ARHGAP26: variants seen among roughly 807,000 people sequenced by gnomAD.
ARHGAP26 encodes the protein rho GTPase-activating protein 26.
Under a neutral mutation model 104.8 loss-of-function variants are expected in ARHGAP26, and 38 were observed. The ratio of observed to expected loss-of-function variants is 0.36; its 90% CI spans 0.28 to 0.48. The LOEUF is 0.48. Among genes scored for constraint, ARHGAP26 ranks in the 20% least tolerant of loss-of-function variants. ARHGAP26 has a pLI of 0.99. For missense variants in ARHGAP26, 704 were observed against 947.9 expected, an observed-to-expected ratio of 0.74 and a Z score of 3.38; for synonymous variants, 341 against 340.0, an observed-to-expected ratio of 1.00 and a Z score of -0.03.
At chr5:142,926,443 A>G (rs575975767) in intron 10 of ARHGAP26, among the ~76,000 whole-genome samples, 1 of 152,324 alleles carries the variant, frequency 6.6e-6, no homozygotes, top group Admixed American at 6.5e-5. Context: ...CTTAGGGTTG[A>G]GCTCTACAGA....
chr5:142,902,115 C>A, intron 7 of ARHGAP26, 76 bp downstream of exon 7: 1 of 1,316,720 alleles, frequency 7.6e-7, no homozygotes, highest in South Asian at 1.3e-5. Flanking sequence ...CCCTAGAAAC[C>A]ATCCAGGTGG....
At chr5:143,046,363 A>AT (rs926258185) in intron 14 of ARHGAP26, among the ~76,000 whole-genome samples, 1 of 152,158 alleles carries the variant, frequency 6.6e-6, no homozygotes, top group Admixed American at 6.5e-5. Context: ...CTTCGAGTTT[A>AT]TTTTTTTGTA....
intron 1 of ARHGAP26, among the ~76,000 whole-genome samples, chr5:142,782,102 G>A (rs969696712): frequency 6.6e-6 from 1 of 152,226 alleles, no homozygotes; most frequent in African/African-American, 2.4e-5. Context: ...AGGGATGACA[G>A]AGGAGTTAGG....
At chr5:142,902,236 A>G (rs1387319395) in intron 7 of ARHGAP26, among the ~76,000 whole-genome samples, 197 bp downstream of exon 7, 1 of 151,946 alleles carries the variant, frequency 6.6e-6, no homozygotes, top group Non-Finnish European at 1.5e-5. Context: ...CCTCTTCTCC[A>G]TTATTTCAAA....
At chr5:143,183,557 T>C (rs1335647197) in intron 20 of ARHGAP26, among the ~76,000 whole-genome samples, 1 of 152,194 alleles carries the variant, frequency 6.6e-6, no homozygotes, top group Non-Finnish European at 1.5e-5. Context: ...CAGTCCATCC[T>C]GTGCCGGGGA....
At chr5:142,931,451 C>T (rs574050516) in intron 10 of ARHGAP26, among the ~76,000 whole-genome samples, 1 of 152,294 alleles carries the variant, frequency 6.6e-6, no homozygotes, top group African/African-American at 2.4e-5. Context: ...GAAATGATCT[C>T]ATGCATGTAA....
At chr5:142,890,022 C>A (rs2152418650) in intron 5 of ARHGAP26, among the ~76,000 whole-genome samples, 1 of 149,784 alleles carries the variant, frequency 6.7e-6, no homozygotes, top group South Asian at 2.1e-4. Context: ...GTAATCCCAG[C>A]TACTTGGGAA....
chr5:142,905,050 T>G (rs557719243), intron 8 of ARHGAP26, among the ~76,000 whole-genome samples: 4 of 152,328 alleles, frequency 2.6e-5, no homozygotes, highest in African/African-American at 9.6e-5. Context: ...TTGAGGTTTA[T>G]AAGAAATGTA....
intron 11 of ARHGAP26, among the ~76,000 whole-genome samples, chr5:142,970,089 C>A (rs1030667635): frequency 2.4e-4 from 37 of 152,170 alleles, no homozygotes; most frequent in African/African-American, 8.2e-4. Flanking sequence ...TCATGTTAAG[C>A]AGATGAACAG....
chr5:142,820,878 A>G (rs903909753), intron 1 of ARHGAP26, among the ~76,000 whole-genome samples: 2 of 152,200 alleles, frequency 1.3e-5, no homozygotes, highest in African/African-American at 4.8e-5. Flanking sequence ...TAGACAAGGA[A>G]ACTCAGACTT....
chr5:142,897,569 C>T (rs1262013688), intron 6 of ARHGAP26, among the ~76,000 whole-genome samples: 1 of 152,200 alleles, frequency 6.6e-6, no homozygotes, highest in Non-Finnish European at 1.5e-5. Context: ...GCCCAGTAGC[C>T]TGTAGTTTAG....
intron 18 of ARHGAP26, among the ~76,000 whole-genome samples, chr5:143,131,640 T>C (rs1286344306): frequency 6.6e-6 from 1 of 152,160 alleles, no homozygotes; most frequent in African/African-American, 2.4e-5. Context: ...ATTAGCCAAA[T>C]GAATGGCTGC....
intron 1 of ARHGAP26, among the ~76,000 whole-genome samples, chr5:142,856,952 C>A (rs746827488): frequency 1.3e-5 from 2 of 152,132 alleles, no homozygotes; most frequent in Non-Finnish European, 2.9e-5. Context: ...GTTCTGGAGG[C>A]CAGAAATCTG....
chr5:142,877,274 GC>G (rs1200017669), intron 3 of ARHGAP26, among the ~76,000 whole-genome samples: 1 of 152,158 alleles, frequency 6.6e-6, no homozygotes, highest in Non-Finnish European at 1.5e-5. Flanking sequence ...AGCAAGCAAA[GC>G]CGCACCTTCT....
At chr5:143,072,975 T>C (rs552134827) in intron 17 of ARHGAP26, among the ~76,000 whole-genome samples, 1 of 152,308 alleles carries the variant, frequency 6.6e-6, no homozygotes, top group Non-Finnish European at 1.5e-5. Flanking sequence ...ATACATTATG[T>C]GTAGCAGAAC....
intron 21 of ARHGAP26, among the ~76,000 whole-genome samples, chr5:143,212,026 C>G (rs1410189811): frequency 4.6e-5 from 7 of 152,152 alleles, no homozygotes; most frequent in African/African-American, 1.7e-4. Context: ...CTGTTTTGTC[C>G]CATTATCCTT....
chr5:143,037,183 C>G lies in ARHGAP26; in HGVS notation c.1145-13C>G, dbSNP rs1489202046. On this transcript the variant is annotated splice_polypyrimidine_tract_variant and intron_variant, in intron 12 of 22. Transcript: ENST00000645722. ...TGGCTAGCAACTTGACTGTCCTTCT[C>G]TTGCTCTTTCAGCTGCGCAGTTGGA... 1.3e-6 allele frequency: 2 copies of G among 1,596,166 alleles called. No homozygotes were observed. The highest frequency in any genetic ancestry group is 1.7e-5 in the Admixed American group (1 of 59,674).
chr5:143,198,699 C>T (rs1279990464), intron 20 of ARHGAP26, among the ~76,000 whole-genome samples: 4 of 152,156 alleles, frequency 2.6e-5, no homozygotes, highest in African/African-American at 7.2e-5. Flanking sequence ...ATGATGTATG[C>T]GCTATTCCAA....
intron 17 of ARHGAP26, among the ~76,000 whole-genome samples, chr5:143,063,167 C>T (rs1014469258): frequency 3.9e-5 from 6 of 152,176 alleles, no homozygotes; most frequent in Non-Finnish European, 1.5e-5. Context: ...CCAGTCCTAT[C>T]GGGCTTTTCC....
Sources: gnomAD v4.1 joint callset for allele counts (sites outside exome capture counted in the v4.1 genomes callset) on GRCh38, gnomAD v4.1.1 for gene constraint, MANE v1.5 for transcripts, NCBI Gene and HGNC (gene_info 2026-07-23, HGNC 2026-07-21) for gene names.